RBFOX1: variants seen among roughly 807,000 people sequenced by gnomAD.
RBFOX1 encodes RNA binding fox-1 homolog 1.
A neutral mutation model predicts 57.7 loss-of-function variants in RBFOX1; 8 were observed. The observed-to-expected ratio is 0.14, with a 90% CI of 0.08 to 0.25. The LOEUF is 0.25. Ranked by LOEUF, RBFOX1 falls within the 10% of genes least tolerant of loss-of-function variation. RBFOX1 has a pLI of 1.00. For missense variants in RBFOX1, 611 were observed against 548.5 expected, an observed-to-expected ratio of 1.11 and a Z score of -1.14; for synonymous variants, 326 against 222.4, an observed-to-expected ratio of 1.47 and a Z score of -4.15.
intron 4 of RBFOX1, among the ~76,000 whole-genome samples, chr16:5,910,604 G>T (rs1020436909): frequency 6.6e-6 from 1 of 152,166 alleles, no homozygotes; most frequent in Non-Finnish European, 1.5e-5. Flanking sequence ...GCTAGCAGAG[G>T]CAGGGAAGGA....
chr16:7,014,458 G>A (rs552521617), intron 3 of RBFOX1, among the ~76,000 whole-genome samples: 1 of 151,572 alleles, frequency 6.6e-6, no homozygotes, highest in Non-Finnish European at 1.5e-5. Context: ...TGTTGGCCAG[G>A]CTGATCTCGA....
intron 3 of RBFOX1, among the ~76,000 whole-genome samples, chr16:6,837,287 G>T (rs529660985): frequency 1.3e-5 from 2 of 152,176 alleles, no homozygotes; most frequent in Non-Finnish European, 1.5e-5. Flanking sequence ...GTTCCACGAG[G>T]TGGCTCAAGA....
At chr16:5,283,939 A>G (rs1237028908) in intron 1 of RBFOX1, among the ~76,000 whole-genome samples, 2 of 152,078 alleles carry the variant, frequency 1.3e-5, no homozygotes, top group African/African-American at 4.8e-5. Context: ...GCAGAATGAT[A>G]TGGTTTGGCT....
intron 4 of RBFOX1, among the ~76,000 whole-genome samples, chr16:7,169,341 C>G (rs1017244120): frequency 6.6e-6 from 1 of 152,302 alleles, no homozygotes; most frequent in South Asian, 2.1e-4. Context: ...TTCTGAATCT[C>G]AGCACTATGG....
intron 4 of RBFOX1, among the ~76,000 whole-genome samples, chr16:5,930,682 G>A (rs2053486452): frequency 9.0e-6 from 1 of 110,656 alleles, no homozygotes. Context: ...ACATGGGTAA[G>A]TGGGAGGGTG....
intron 4 of RBFOX1, among the ~76,000 whole-genome samples, chr16:7,144,212 A>G (rs545766092): frequency 6.6e-6 from 1 of 152,246 alleles, no homozygotes; most frequent in Admixed American, 6.5e-5. Flanking sequence ...CCTCTTAAAG[A>G]TTTCCTCATT....
chr16:7,667,904 C>T (rs1467295635), intron 13 of RBFOX1, among the ~76,000 whole-genome samples: 2 of 152,156 alleles, frequency 1.3e-5, no homozygotes, highest in East Asian at 3.9e-4. Context: ...GAACTCCTGA[C>T]CTCAAGTGAT....
intron 2 of RBFOX1, among the ~76,000 whole-genome samples, chr16:6,398,259 C>T (rs1263756129): frequency 1.3e-5 from 2 of 152,158 alleles, no homozygotes; most frequent in South Asian, 2.1e-4. Context: ...ATTATGGGAA[C>T]TACAACTCGA....
At chr16:7,458,972 G>A (rs1673713382) in intron 4 of RBFOX1, among the ~76,000 whole-genome samples, 1 of 152,220 alleles carries the variant, frequency 6.6e-6, no homozygotes, top group South Asian at 2.1e-4. Flanking sequence ...CTTTCACAAA[G>A]TAGGTACTCA....
chr16:7,206,928 G>C (rs1377926162), intron 4 of RBFOX1, among the ~76,000 whole-genome samples: 1 of 152,144 alleles, frequency 6.6e-6, no homozygotes. Flanking sequence ...AGCATGGTCT[G>C]TTTCTGTTCT....
intron 3 of RBFOX1, among the ~76,000 whole-genome samples, chr16:6,968,584 T>C (rs2084812300): frequency 6.6e-6 from 1 of 151,970 alleles, no homozygotes; most frequent in Non-Finnish European, 1.5e-5. Flanking sequence ...GATGTGAAGG[T>C]GTAGATGATG....
intron 4 of RBFOX1, among the ~76,000 whole-genome samples, chr16:7,253,540 A>G (rs1411052226): frequency 6.6e-6 from 1 of 152,094 alleles, no homozygotes; most frequent in African/African-American, 2.4e-5. Context: ...AAAACATTAA[A>G]TGCACTCTCA....
chr16:6,508,835 T>C (rs1268262851), intron 2 of RBFOX1, among the ~76,000 whole-genome samples: 1 of 151,384 alleles, frequency 6.6e-6, no homozygotes, highest in Admixed American at 6.6e-5. Context: ...ACGGTAAAAC[T>C]GCGCTTACTT....
At chr16:7,256,317 G>C (rs1407244714) in intron 4 of RBFOX1, among the ~76,000 whole-genome samples, 1 of 152,154 alleles carries the variant, frequency 6.6e-6, no homozygotes, top group Non-Finnish European at 1.5e-5. Context: ...CAGTCAGCGA[G>C]CAGATCTCTG....
chr16:5,877,229 G>A (rs973524111), intron 4 of RBFOX1, among the ~76,000 whole-genome samples: 2 of 152,214 alleles, frequency 1.3e-5, no homozygotes, highest in African/African-American at 2.4e-5. Flanking sequence ...CTTTGGAGGG[G>A]TCACGCATTT....
chr16:5,582,682 C>G (rs1185664141), intron 2 of RBFOX1, among the ~76,000 whole-genome samples: 2 of 151,092 alleles, frequency 1.3e-5, no homozygotes, highest in African/African-American at 4.9e-5. Context: ...TCCCAAGTAG[C>G]TGGGACCACA....
At chr16:6,082,973 T>C (rs1016895498) in intron 1 of RBFOX1, among the ~76,000 whole-genome samples, 8 of 150,862 alleles carry the variant, frequency 5.3e-5, no homozygotes, top group Admixed American at 2.6e-4. Flanking sequence ...GGAAGACTGA[T>C]CCATCAGCAA....
chr16:6,385,552 G>A lies in RBFOX1; in HGVS notation c.-64+68495G>A, dbSNP rs1034441598. On this transcript the variant is annotated intron_variant, in intron 2 of 15. Transcript: ENST00000550418. ...TTTTTGTATTTTTAGCAGAGACAGG[G>A]TTTTACCATGTTGGCCAGGCTGGTC... Among the ~76,000 whole-genome samples the A allele has an allele frequency of 3.3e-5, 5 of 152,166 alleles. No homozygotes were observed. The South Asian group carries it at 1.0e-3, about 32-fold the overall frequency.
At chr16:5,411,112 G>A (rs1230072429) in intron 1 of RBFOX1, among the ~76,000 whole-genome samples, 1 of 152,244 alleles carries the variant, frequency 6.6e-6, no homozygotes, top group Non-Finnish European at 1.5e-5. Context: ...ATGTGGGATA[G>A]ATATAATTCT....
Sources: gnomAD v4.1 joint callset for allele counts (sites outside exome capture counted in the v4.1 genomes callset) on GRCh38, gnomAD v4.1.1 for gene constraint, MANE v1.5 for transcripts, NCBI Gene and HGNC (gene_info 2026-07-23, HGNC 2026-07-21) for gene names.